LRFN3: variants seen among roughly 807,000 people sequenced by gnomAD.
LRFN3 encodes the protein leucine-rich repeat and fibronectin type-III domain-containing protein 3.
In LRFN3, 8 loss-of-function variants were observed where a neutral mutation model predicts 23.8. The ratio of observed to expected loss-of-function variants is 0.34; its 90% CI spans 0.20 to 0.61. LRFN3 has a LOEUF of 0.61. Among genes scored for constraint, LRFN3 ranks in the 20% least tolerant of loss-of-function variants. LRFN3 has a pLI of 0.80. For missense variants in LRFN3, 736 were observed against 935.3 expected, an observed-to-expected ratio of 0.79 and a Z score of 2.78; for synonymous variants, 451 against 450.6, an observed-to-expected ratio of 1.00 and a Z score of -0.01.
Position 35,944,442 on chromosome 19 carries a change from A to G in LRFN3, c.1416-106A>G. ...GAGCTCATTGGGTAGAATGAAATGA[A>G]GGAGTGGACTGGTGGGAAGTCTAGC... On this transcript the variant is annotated intron_variant, in intron 2 of 2. Transcript: ENST00000246529. This position sits in a 1 kb window ranked among gnomAD's most constrained non-coding sequence, Gnocchi z 4.5. 1 of 665,158 alleles carries G rather than the reference A, an allele frequency of 1.5e-6. No homozygotes were observed. The highest frequency in any genetic ancestry group is 2.3e-6 in the Non-Finnish European group (1 of 434,764). The allele number at this position is 665,158 out of a possible 1,614,324, so 41.2% of individuals were successfully genotyped here.
Position 35,939,384 on chromosome 19 carries a change from C to T in LRFN3, c.-16-26C>T, listed in dbSNP as rs1168697604. 1 of 1,540,128 alleles carries T rather than the reference C, an allele frequency of 6.5e-7. No individual in the cohort carries two copies. On this transcript the variant is annotated intron_variant, in intron 1 of 2. Coordinates refer to ENST00000246529, the MANE Select transcript of LRFN3 (RefSeq NM_024509.2). This position sits in a 1 kb window ranked among gnomAD's most constrained non-coding sequence, Gnocchi z 6.4. ...AGCCCCTGCAGAACCCCTCTTCTGC[C>T]CTCACGCCTCCCCTCTTCTCCGCAG...
rs1056774259 is a variant in LRFN3, at chr19:35,936,841, C to A, written c.-731C>A. The A allele has an allele frequency of 2.0e-5, 3 of 152,190 alleles. 1 individual carries two copies. The highest frequency in any genetic ancestry group is 7.2e-5 in the African/African-American group (3 of 41,438). 9.4% of individuals were successfully genotyped at this position (152,190 alleles called of 1,614,324 possible). ...GGCCGTGGAACCCCAAGATCTGGAG[C>A]CTGAACCCCAGTATATGGGGCTGGA... On this transcript the variant is annotated 5_prime_UTR_variant, in exon 1 of 3. Coordinates refer to ENST00000246529, the MANE Select transcript of LRFN3 (RefSeq NM_024509.2).
rs772729352 is a variant in LRFN3 at position 35,944,767 on chromosome 19, C to G, written c.1635C>G (p.Gly545=). The G allele has an allele frequency of 6.2e-7, 1 of 1,609,994 alleles. No individual in the cohort carries two copies. The change falls in exon 3 of 3, where the codon GGC becomes GGG. Residue 545 remains glycine, a synonymous_variant. Transcript: ENST00000246529. The surrounding 1 kb of genome is among the most constrained non-coding windows in gnomAD (Gnocchi z 4.5). The stretch of plus-strand genomic sequence containing the variant: ...GCACGATGATCATCGCGCTGGGCGG[C>G]GTCATCGTAGCCTCGGTACTGGTCT... The part of the protein sequence containing the change: ...LGGTMIIALG[G]VIVASVLVFI...
rs945738185 is a variant in LRFN3, at chr19:35,937,264, C to T, written c.-308C>T. The T allele has an allele frequency of 2.0e-5, 3 of 152,182 alleles. No homozygotes were observed. The highest frequency in any genetic ancestry group is 2.0e-4 in the Admixed American group (3 of 15,258). 9.4% of individuals were successfully genotyped at this position (152,182 alleles called of 1,614,324 possible). A position where few individuals can be genotyped will look rare whatever the true frequency, so the allele number is the denominator to read the frequency against. The stretch of plus-strand genomic sequence containing the variant: ...CGGGATCGGATCTCAGACTCTAAAC[C>T]CCACCGTTTGGCTGCTTAGCATCCC... On this transcript the variant is annotated 5_prime_UTR_variant, in exon 1 of 3. Coordinates refer to ENST00000246529, the MANE Select transcript of LRFN3 (RefSeq NM_024509.2).
At position 35,940,214 on chromosome 19, in the gene LRFN3, G is replaced by A. The variant is rs946994007; in HGVS notation, c.789G>A (p.Leu263=). 2.5e-6 allele frequency: 4 copies of A among 1,608,672 alleles called. No homozygotes were observed. Among genetic ancestry groups the A allele is most frequent in the Admixed American group, 1.7e-5 (1 of 59,970 alleles). ...CNCELVWLRR[L]AREDDLEACA... ...GCGAGCTGGTGTGGCTGCGTCGCCTGGCGCGGGAGGACGACCTCGAGGCCT... is the reference window on the plus strand; with the variant it reads ...GCGAGCTGGTGTGGCTGCGTCGCCTAGCGCGGGAGGACGACCTCGAGGCCT... Residue 263 remains leucine, a synonymous_variant, in exon 2 of 3, where the codon CTG becomes CTA. Coordinates refer to ENST00000246529, the MANE Select transcript of LRFN3 (RefSeq NM_024509.2).
At chr19:35,940,893 G>A (rs1410106730) in intron 2 of LRFN3, 53 bp downstream of exon 2, 1 of 1,471,628 alleles carries the variant, frequency 6.8e-7, no homozygotes, top group East Asian at 2.5e-5. Context: ...GGCAAGGGGA[G>A]GGTTGAGGGT....
Position 35,939,566 on chromosome 19 carries a change from G to T in LRFN3, c.141G>T (p.Gly47=). Residue 47 remains glycine (G), a synonymous_variant, in exon 2 of 3, where the codon GGG becomes GGT. Transcript: ENST00000246529. This position sits in a 1 kb window ranked among gnomAD's most constrained non-coding sequence, Gnocchi z 6.4. ...TGCCCCTAAGCGTGCTGTGCCCAGG[G>T]GCAGGCCTCCTGTTCGTGCCACCCT... The part of the protein sequence containing the change: ...QSLPLSVLCP[G]AGLLFVPPSL... The T allele has an allele frequency of 6.2e-7, 1 of 1,608,646 alleles. No individual in the cohort carries two copies.
rs1256705444 is a variant in LRFN3, at chr19:35,940,458, G to C, written c.1033G>C (p.Ala345Pro). 3 of 1,607,984 alleles carry C rather than the reference G, an allele frequency of 1.9e-6. No homozygotes were observed. Among genetic ancestry groups the C allele is most frequent in the Non-Finnish European group, 2.5e-6 (3 of 1,179,114 alleles). ...GCTAGGCAACTCAAGCCGTGCCCGCGCCTTCCCCAATGGGACGCTGGAGCT... is the reference window on the plus strand; with the variant it reads ...GCTAGGCAACTCAAGCCGTGCCCGCCCCTTCCCCAATGGGACGCTGGAGCT... ...RLLGNSSRAR[A>P]FPNGTLELLV... The change falls in exon 2 of 3, where the codon GCC (alanine) becomes CCC (proline). Residue 345 changes from alanine to proline, a missense_variant. This residue lies in a region of LRFN3 where 446 missense variants were observed against 647.9 expected (regional missense o/e 0.69). Transcript: ENST00000246529.
chr19:35,940,189 G>A lies in LRFN3; in HGVS notation c.764G>A (p.Cys255Tyr). The change falls in exon 2 of 3, where the codon TGC becomes TAC. Residue 255 changes from cysteine (C) to tyrosine (Y), a missense_variant. Around this residue, in one of 2 missense-constraint regions of LRFN3, gnomAD observed 446 missense variants for 647.9 expected, o/e 0.69. Coordinates refer to ENST00000246529, the MANE Select transcript of LRFN3 (RefSeq NM_024509.2). Reference protein sequence around the residue: ...AFGGNPLHCNCELVWLRRLAR... With the variant: ...AFGGNPLHCNYELVWLRRLAR... ...GGCGGGAACCCCCTGCACTGCAACTGCGAGCTGGTGTGGCTGCGTCGCCTG... is the reference window on the plus strand; with the variant it reads ...GGCGGGAACCCCCTGCACTGCAACTACGAGCTGGTGTGGCTGCGTCGCCTG... 6.2e-7 allele frequency: 1 copy of A among 1,609,916 alleles called. No homozygotes were observed. The highest frequency in any genetic ancestry group is 8.5e-7 in the Non-Finnish European group (1 of 1,179,596).
At position 35,939,789 on chromosome 19, in the gene LRFN3, C is replaced by A; in HGVS notation, c.364C>A (p.Leu122Met). 1 of 1,604,284 alleles carries A rather than the reference C, an allele frequency of 6.2e-7. No homozygotes were observed. ...LHLDGNRLTS[L>M]GEGQLRGLVN... is the part of the protein sequence containing the mutation. ...CCTGGATGGCAACCGGCTGACCTCA[C>A]TGGGCGAGGGCCAGCTGCGCGGCCT... The change falls in exon 2 of 3, where the codon CTG (leucine) becomes ATG (methionine). Residue 122 changes from leucine (L) to methionine (M), a missense_variant. Physicochemically the swap from Leu to Met is conservative, Grantham distance 15 (BLOSUM62 2). Coordinates refer to ENST00000246529, the MANE Select transcript of LRFN3 (RefSeq NM_024509.2). The surrounding 1 kb of genome is among the most constrained non-coding windows in gnomAD (Gnocchi z 6.4).
At position 35,944,747 on chromosome 19, in the gene LRFN3, A is replaced by G; in HGVS notation, c.1615A>G (p.Met539Val). The G allele has an allele frequency of 1.9e-6, 3 of 1,608,554 alleles. No homozygotes were observed. Among genetic ancestry groups the G allele is most frequent in the Non-Finnish European group, 2.5e-6 (3 of 1,177,802 alleles). Residue 539 changes from methionine to valine, a missense_variant, in exon 3 of 3, where the codon ATG (methionine) becomes GTG (valine). Physicochemically the swap from Met to Val is conservative, Grantham distance 21 (BLOSUM62 1). Coordinates refer to ENST00000246529, the MANE Select transcript of LRFN3 (RefSeq NM_024509.2). The surrounding 1 kb of genome is among the most constrained non-coding windows in gnomAD (Gnocchi z 4.5). The part of the protein sequence containing the change: ...APHAPFLGGT[M>V]IIALGGVIVA... ...GCACGCTCCCTTCCTGGGCGGCACG[A>G]TGATCATCGCGCTGGGCGGCGTCAT...
rs1486860851 is a variant in LRFN3, at chr19:35,937,379, A to G, written c.-193A>G. 1 of 152,394 alleles carries G rather than the reference A, an allele frequency of 6.6e-6. No homozygotes were observed. Among genetic ancestry groups the G allele is most frequent in the Non-Finnish European group, 1.5e-5 (1 of 68,074 alleles). The allele number at this position is 152,394 out of a possible 1,614,324, so 9.4% of individuals were successfully genotyped here. ...GAGGCCCAATATTTAGGGGTCTGGAACCCCGAGTATTAAGGTCTGGAGACT... is the reference window on the plus strand; with the variant it reads ...GAGGCCCAATATTTAGGGGTCTGGAGCCCCGAGTATTAAGGTCTGGAGACT... On this transcript the variant is annotated 5_prime_UTR_variant, in exon 1 of 3. Coordinates refer to ENST00000246529, the MANE Select transcript of LRFN3 (RefSeq NM_024509.2).
At position 35,946,597 on chromosome 19, in the gene LRFN3, T is replaced by C. The variant is rs898444556; in HGVS notation, c.*1578T>C. Among the ~76,000 whole-genome samples the C allele has an allele frequency of 1.3e-5, 2 of 152,100 alleles. No individual in the cohort carries two copies. Among genetic ancestry groups the C allele is most frequent in the Non-Finnish European group, 2.9e-5 (2 of 68,014 alleles). The stretch of plus-strand genomic sequence containing the variant: ...CCCAAGAAACTCTTGTGTTCAATGA[T>C]ATAAATAAAGGCTGCGGTGACCCCC... On this transcript the variant is annotated 3_prime_UTR_variant, in exon 3 of 3. Transcript: ENST00000246529.
In LRFN3 at chr19:35,939,986, C is replaced by G; in HGVS notation, c.561C>G (p.Leu187=). Residue 187 remains leucine, a synonymous_variant, in exon 2 of 3, where the codon CTC becomes CTG. Coordinates refer to ENST00000246529, the MANE Select transcript of LRFN3 (RefSeq NM_024509.2). This position sits in a 1 kb window ranked among gnomAD's most constrained non-coding sequence, Gnocchi z 6.4. ...GRLGNVNTLG[L]DHNLLASVPA... ...TGGGCAACGTCAACACGTTGGGCCT[C>G]GACCACAACCTGCTGGCTTCTGTGC... is the stretch of plus-strand genomic sequence containing the variant. 5.0e-6 allele frequency: 8 copies of G among 1,611,176 alleles called. No individual in the cohort carries two copies. The highest frequency in any genetic ancestry group is 6.8e-6 in the Non-Finnish European group (8 of 1,179,906).
At chr19:35,942,535 G>A (rs1976134336) in intron 2 of LRFN3, among the ~76,000 whole-genome samples, 3 of 152,238 alleles carry the variant, frequency 2.0e-5, no homozygotes, top group Admixed American at 2.0e-4. Context: ...AAGGCTGACT[G>A]TAAAGACTGG....
At chr19:35,941,281 T>TG (rs1976118891) in intron 2 of LRFN3, among the ~76,000 whole-genome samples, 1 of 124,414 alleles carries the variant, frequency 8.0e-6, no homozygotes, top group Admixed American at 8.5e-5. Context: ...TGGGCAAGGG[T>TG]GGGTGGGGAA....
chr19:35,943,122 G>A (rs1287218081), intron 2 of LRFN3, among the ~76,000 whole-genome samples: 8 of 152,078 alleles, frequency 5.3e-5, no homozygotes, highest in Middle Eastern at 3.4e-3. Flanking sequence ...TGCCCCAGGC[G>A]GCCACGGAGT....
chr19:35,938,194 G>A (rs1976077706), intron 1 of LRFN3, among the ~76,000 whole-genome samples: 1 of 151,200 alleles, frequency 6.6e-6, no homozygotes, highest in African/African-American at 2.4e-5. Context: ...CCCTTTCTCT[G>A]GCCATCTCTC....
chr19:35,944,647 G>A lies in LRFN3; in HGVS notation c.1515G>A (p.Thr505=), dbSNP rs762922188. 1.3e-6 allele frequency: 2 copies of A among 1,592,098 alleles called. No individual in the cohort carries two copies. The highest frequency in any genetic ancestry group is 2.3e-5 in the East Asian group (1 of 44,274). Reference sequence around the variant, plus strand: ...TCGCCGTGTATGAGGACAGCGCCACGGGGCTCACGGCCACGCGGCCTGTGG... The same window carrying A: ...TCGCCGTGTATGAGGACAGCGCCACAGGGCTCACGGCCACGCGGCCTGTGG... The part of the protein sequence containing the change: ...CVLAVYEDSA[T]GLTATRPVGC... The change falls in exon 3 of 3, where the codon ACG becomes ACA. Residue 505 remains threonine (T), a synonymous_variant. Coordinates refer to ENST00000246529, the MANE Select transcript of LRFN3 (RefSeq NM_024509.2). This position sits in a 1 kb window ranked among gnomAD's most constrained non-coding sequence, Gnocchi z 4.5.
Sources: allele counts gnomAD v4.1 joint callset (sites outside exome capture counted in the v4.1 genomes callset), GRCh38; gene constraint gnomAD v4.1.1; regional missense constraint gnomAD v4.1.1; non-coding constraint Gnocchi (gnomAD v3.1); transcripts MANE v1.5; gene names NCBI Gene and HGNC (gene_info 2026-07-23, HGNC 2026-07-21).